The following JAZF1 variants were observed in gnomAD, a reference collection of about 807,000 sequenced individuals.
The protein encoded by JAZF1 is JAZF zinc finger 1.
A neutral mutation model predicts 26.4 loss-of-function variants in JAZF1; 8 were observed. The observed-to-expected ratio is 0.30, with a 90% CI of 0.18 to 0.55. The LOEUF (loss-of-function observed/expected upper bound fraction) is 0.55. JAZF1 is among the 20% of genes least tolerant of loss of function. The pLI is 0.94. For missense variants in JAZF1, 199 were observed against 322.0 expected (o/e 0.62, Z 2.92); for synonymous variants, 126 against 122.3 (o/e 1.03, Z -0.20).
At position 27,840,583 on chromosome 7, in the gene JAZF1, G is replaced by T; in HGVS notation, c.555+115C>A. ...CCCACGCACTCTAATGCAGGAGAGG[G>T]GAGTGTCTCCCCCCAGCCCATACGC... is the stretch of plus-strand genomic sequence containing the variant. On this transcript the variant is annotated intron_variant, in intron 4 of 4. Transcript: ENST00000283928. The surrounding 1 kb of genome is among the most constrained non-coding windows in gnomAD (Gnocchi z 5.1). The T allele has an allele frequency of 9.3e-7, 1 of 1,076,226 alleles. No individual in the cohort carries two copies. 66.7% of individuals were successfully genotyped at this position (1,076,226 alleles called of 1,614,324 possible). A position where few individuals can be genotyped will look rare whatever the true frequency, so the allele number is the denominator to read the frequency against.
chr7:27,931,546 G>A (rs958854878), intron 2 of JAZF1, among the ~76,000 whole-genome samples: 1 of 152,204 alleles, frequency 6.6e-6, no homozygotes, highest in Admixed American at 6.5e-5. Flanking sequence ...TGGGCGTGGT[G>A]GCTCATGCCT....
intron 2 of JAZF1, among the ~76,000 whole-genome samples, chr7:27,957,856 T>C (rs922680957): frequency 6.6e-6 from 1 of 152,210 alleles, no homozygotes; most frequent in South Asian, 2.1e-4. Context: ...AAGAATAGCA[T>C]GTAAAATATT....
rs1212622779 is a variant in JAZF1, at chr7:27,831,375, T to A, written c.*1425A>T. On this transcript the variant is annotated 3_prime_UTR_variant, in exon 5 of 5. Transcript: ENST00000283928. ...TTATAAGCAATTTGAGTTTGTTTTA[T>A]GGGCAGTTAGCTATCTCAAAGCATT... The A allele has an allele frequency of 4.4e-6, 1 of 227,536 alleles. No individual in the cohort carries two copies. Among genetic ancestry groups the A allele is most frequent in the African/African-American group, 2.2e-5 (1 of 45,028 alleles). The allele number at this position is 227,536 out of a possible 1,614,324, so 14.1% of individuals were successfully genotyped here.
At chr7:28,158,140 AAC>A (rs1220549508) in intron 1 of JAZF1, among the ~76,000 whole-genome samples, 4 of 147,892 alleles carry the variant, frequency 2.7e-5, no homozygotes, top group Non-Finnish European at 4.5e-5. Context: ...CCACATTGAA[AAC>A]ACGCGCGCAC....
intron 1 of JAZF1, among the ~76,000 whole-genome samples, chr7:28,140,083 C>CTTT (rs67016749): frequency 8.0e-6 from 1 of 125,134 alleles, no homozygotes; most frequent in East Asian, 2.5e-4. Flanking sequence ...AGTCACAAAT[C>CTTT]TTTTTTTTTT....
intron 1 of JAZF1, among the ~76,000 whole-genome samples, chr7:28,055,006 T>C (rs1562572011): frequency 6.6e-6 from 1 of 152,138 alleles, no homozygotes. Flanking sequence ...TTACCAGGGC[T>C]ATAGATGAAC....
chr7:28,083,388 C>A (rs919181454), intron 1 of JAZF1, among the ~76,000 whole-genome samples: 2 of 152,124 alleles, frequency 1.3e-5, no homozygotes, highest in South Asian at 2.1e-4. Flanking sequence ...TATTTTAGTA[C>A]CTGACCTATG....
chr7:28,082,074 G>A (rs1257631046), intron 1 of JAZF1, among the ~76,000 whole-genome samples: 1 of 152,112 alleles, frequency 6.6e-6, no homozygotes, highest in Non-Finnish European at 1.5e-5. Context: ...AAGTCCTTAG[G>A]CTATTTTAGA....
intron 1 of JAZF1, among the ~76,000 whole-genome samples, chr7:28,164,146 C>A (rs1005621515): frequency 6.6e-6 from 1 of 152,202 alleles, no homozygotes; most frequent in East Asian, 1.9e-4. Flanking sequence ...GTGAGCCCAA[C>A]CCACAGCAGA....
At chr7:28,006,368 C>CA (rs1007446977) in intron 1 of JAZF1, among the ~76,000 whole-genome samples, 57 of 151,104 alleles carry the variant, frequency 3.8e-4, no homozygotes, top group South Asian at 1.5e-3. Context: ...GACTGTGTCT[C>CA]AAAAAAAACA....
At chr7:27,948,195 G>T (rs1784948153) in intron 2 of JAZF1, among the ~76,000 whole-genome samples, 1 of 152,138 alleles carries the variant, frequency 6.6e-6, no homozygotes, top group South Asian at 2.1e-4. Context: ...AACACTCTGA[G>T]GGGCTTTACT....
At chr7:27,957,021 A>AAAGT (rs1373943629) in intron 2 of JAZF1, among the ~76,000 whole-genome samples, 2 of 152,180 alleles carry the variant, frequency 1.3e-5, no homozygotes, top group Non-Finnish European at 2.9e-5. Context: ...TTGTCAATGA[A>AAAGT]AAGTTCGTGC....
At chr7:27,988,336 C>CCCACATCTCTACATTTTCCCCCTTA (rs1220553978) in intron 2 of JAZF1, among the ~76,000 whole-genome samples, 71 of 151,924 alleles carry the variant, frequency 4.7e-4, no homozygotes, top group African/African-American at 1.7e-3. Flanking sequence ...CAAATCTGTA[C>CCCACATCTCTACATTTTCCCCCTTA]CCACATCTCT....
In JAZF1 at chr7:27,976,923, G is replaced by A. The variant is rs560467104; in HGVS notation, c.188+14986C>T. Among the ~76,000 whole-genome samples the A allele has an allele frequency of 3.3e-5, 5 of 152,190 alleles. No homozygotes were observed. The South Asian group carries it at 1.0e-3, about 32-fold the overall frequency. On this transcript the variant is annotated intron_variant, in intron 2 of 4. Transcript: ENST00000283928. ...GAGTGGGAAGAAATGTGGGAAAGAGGAAGAAAGCTTTCATTAAGCAGCTCA... is the reference window on the plus strand; with the variant it reads ...GAGTGGGAAGAAATGTGGGAAAGAGAAAGAAAGCTTTCATTAAGCAGCTCA...
At chr7:27,949,744 C>T (rs533557483) in intron 2 of JAZF1, among the ~76,000 whole-genome samples, 23 of 152,292 alleles carry the variant, frequency 1.5e-4, no homozygotes, top group Middle Eastern at 3.4e-3. Context: ...CCCCAGGCAA[C>T]GGAGCAAGAC....
At chr7:27,937,354 A>G (rs931556323) in intron 2 of JAZF1, among the ~76,000 whole-genome samples, 4 of 152,158 alleles carry the variant, frequency 2.6e-5, no homozygotes, top group African/African-American at 9.7e-5. Flanking sequence ...ATTTTCTTTA[A>G]TGGAAAATGG....
At chr7:28,098,346 G>A (rs1049955705) in intron 1 of JAZF1, among the ~76,000 whole-genome samples, 1 of 152,122 alleles carries the variant, frequency 6.6e-6, no homozygotes, top group African/African-American at 2.4e-5. Flanking sequence ...GGAAATAAAT[G>A]ATTGTGTGTA....
At chr7:27,850,074 T>C (rs775346308) in intron 3 of JAZF1, among the ~76,000 whole-genome samples, 31 of 152,242 alleles carry the variant, frequency 2.0e-4, no homozygotes, top group Non-Finnish European at 4.0e-4. Context: ...TTTCTTATAA[T>C]GTATATCATT....
intron 1 of JAZF1, among the ~76,000 whole-genome samples, chr7:28,072,438 T>G (rs551536011): frequency 6.6e-6 from 1 of 152,376 alleles, no homozygotes; most frequent in African/African-American, 2.4e-5. Context: ...CCATATTTAC[T>G]TATGGATATG....
Sources: gnomAD v4.1 joint callset for allele counts (sites outside exome capture counted in the v4.1 genomes callset) on GRCh38, gnomAD v4.1.1 for gene constraint, Gnocchi (gnomAD v3.1) non-coding constraint, MANE v1.5 for transcripts, NCBI Gene and HGNC (gene_info 2026-07-23, HGNC 2026-07-21) for gene names.